The following SLC6A15 variants were observed in gnomAD, a reference collection of about 807,000 sequenced individuals.
The protein encoded by SLC6A15 is sodium-dependent neutral amino acid transporter B(0)AT2.
Under a neutral mutation model 68.5 loss-of-function variants are expected in SLC6A15, and 33 were observed. The observed-to-expected ratio is 0.48, with a 90% CI of 0.37 to 0.64. SLC6A15 has a LOEUF of 0.64. SLC6A15 is among the 30% of genes least tolerant of loss of function. SLC6A15 has a pLI of 0.00. For missense variants in SLC6A15, 747 were observed against 874.3 expected, an observed-to-expected ratio of 0.85 and a Z score of 1.84; for synonymous variants, 347 against 301.0, an observed-to-expected ratio of 1.15 and a Z score of -1.58.
rs1032368273 is a variant in SLC6A15, at chr12:84,862,462, G to T, written c.1819-456C>A. Among the ~76,000 whole-genome samples, 10 of 152,212 alleles carry T rather than the reference G, an allele frequency of 6.6e-5. No homozygotes were observed. The East Asian group carries it at 1.7e-3, about 26-fold the overall frequency. On this transcript the variant is annotated intron_variant, in intron 11 of 11. Coordinates refer to ENST00000266682, the MANE Select transcript of SLC6A15 (RefSeq NM_182767.6). ...GTGTCATATATCTTTCTAAAATCTG[G>T]AAACCAAACTTTTGAAGCACATCTG...
chr12:84,862,707 T>G (rs1031311561), intron 11 of SLC6A15, among the ~76,000 whole-genome samples: 1 of 152,208 alleles, frequency 6.6e-6, no homozygotes, highest in African/African-American at 2.4e-5. Context: ...CTTCAAAATT[T>G]ACTTATTTTA....
intron 1 of SLC6A15, among the ~76,000 whole-genome samples, chr12:84,902,971 A>T (rs1020501197): frequency 1.3e-5 from 2 of 152,040 alleles, no homozygotes; most frequent in South Asian, 4.1e-4. Context: ...AATTTCACAG[A>T]GCTATAAACG....
At chr12:84,896,962 G>A (rs889435313) in intron 1 of SLC6A15, among the ~76,000 whole-genome samples, 4 of 152,124 alleles carry the variant, frequency 2.6e-5, no homozygotes, top group African/African-American at 9.7e-5. Flanking sequence ...AGCACTAGGC[G>A]GGTGGATCAC....
rs1406941381 is a variant in SLC6A15 at position 84,883,921 on chromosome 12, A to G, written c.694T>C (p.Leu232=). The change falls in exon 5 of 12, where the codon TTG becomes CTG. Residue 232 remains leucine, a synonymous_variant. Coordinates refer to ENST00000266682, the MANE Select transcript of SLC6A15 (RefSeq NM_182767.6). ...CAAACCATGACCCAGGCAGCCAACA[A>G]GCAGATGGTCATCTTCCAGTTTAAG... ...GGLNWKMTIC[L]LAAWVMVCLA... 3.1e-6 allele frequency: 5 copies of G among 1,614,010 alleles called. No homozygotes were observed. In the Admixed American group the frequency reaches 6.7e-5, roughly 22 times the overall value.
At position 84,863,402 on chromosome 12, in the gene SLC6A15, AT is replaced by A. The variant is rs1870932734; in HGVS notation, c.1818+36del. On this transcript the variant is annotated intron_variant, in intron 11 of 11. Coordinates refer to ENST00000266682, the MANE Select transcript of SLC6A15 (RefSeq NM_182767.6). ...AGCCCTCTAAAAAAGCTTTTTATAT[AT>A]CTTTTAAAAATGTAATTCCCTTATT... 4 of 1,496,122 alleles carry A rather than the reference AT, an allele frequency of 2.7e-6. No homozygotes were observed. In the South Asian group the frequency reaches 5.5e-5, roughly 20 times the overall value. 92.7% of individuals were successfully genotyped at this position (1,496,122 alleles called of 1,614,324 possible).
intron 5 of SLC6A15, 39 bp from the exon 6 acceptor site, chr12:84,876,646 G>A (rs766660789): frequency 1.0e-6 from 1 of 989,306 alleles, no homozygotes; most frequent in Non-Finnish European, 1.5e-6. Flanking sequence ...GAGATACAAT[G>A]ACCATTTTTT....
At chr12:84,883,434 C>T (rs1592602517) in intron 5 of SLC6A15, 1 of 1,091,614 alleles carries the variant, frequency 9.2e-7, no homozygotes, top group Non-Finnish European at 1.1e-6. Context: ...GCAGCTATTC[C>T]TTAGAACACC....
Position 84,861,663 on chromosome 12 carries a change from A to C in SLC6A15, c.2162T>G (p.Ile721Ser). 6.2e-7 allele frequency: 1 copy of C among 1,604,762 alleles called. No homozygotes were observed. Among genetic ancestry groups the C allele is most frequent in the Non-Finnish European group, 8.5e-7 (1 of 1,173,108 alleles). Residue 721 changes from isoleucine to serine, a missense_variant, in exon 12 of 12, where the codon ATT becomes AGT. Ile to Ser is a moderately radical substitution (Grantham distance 142). Transcript: ENST00000266682. ...RYGIGYLMAD[I>S]MPDMPESDL ...ATCAGATTCTGGCATATCTGGCATA[A>C]TATCTGCCATCAAGTACCCTATTCC...
intron 8 of SLC6A15, 85 bp downstream of exon 8, chr12:84,872,517 G>A (rs547304463): frequency 6.7e-4 from 731 of 1,096,550 alleles, no homozygotes; most frequent in Non-Finnish European, 8.4e-4. Context: ...GCATTTTAAG[G>A]CCCTTTTCCT....
At chr12:84,911,052 C>T (rs970087227) in intron 1 of SLC6A15, among the ~76,000 whole-genome samples, 17 of 152,074 alleles carry the variant, frequency 1.1e-4, no homozygotes, top group Non-Finnish European at 1.9e-4. Flanking sequence ...AAGCCCAGTA[C>T]TGGGCGCCTA....
chr12:84,896,611 C>A (rs894599215), intron 1 of SLC6A15, among the ~76,000 whole-genome samples: 1 of 152,008 alleles, frequency 6.6e-6, no homozygotes, highest in Non-Finnish European at 1.5e-5. Context: ...AAAAAATATT[C>A]CAATATAGAA....
At chr12:84,888,074 AT>A (rs149201382) in intron 2 of SLC6A15, among the ~76,000 whole-genome samples, 5,926 of 150,644 alleles carry the variant, frequency 0.039, 389 homozygotes, top group African/African-American at 0.14. Context: ...TACTAAAAAA[AT>A]AAAATAAAAT....
In SLC6A15 at chr12:84,870,459, T is replaced by A. The variant is rs1195183446; in HGVS notation, c.1495+19A>T. On this transcript the variant is annotated intron_variant, in intron 9 of 11. Coordinates refer to ENST00000266682, the MANE Select transcript of SLC6A15 (RefSeq NM_182767.6). ...TGGCCTGGATTTGTTCAATGAAAAG[T>A]CAAATACAAAAAACTCACCAGTAAG... 1.3e-6 allele frequency: 2 copies of A among 1,506,738 alleles called. No homozygotes were observed. Among genetic ancestry groups the A allele is most frequent in the Non-Finnish European group, 1.8e-6 (2 of 1,125,096 alleles). The allele number at this position is 1,506,738 out of a possible 1,614,324, so 93.3% of individuals were successfully genotyped here.
chr12:84,912,111 C>T (rs1042756821), intron 1 of SLC6A15: 1 of 152,372 alleles, frequency 6.6e-6, no homozygotes, highest in Admixed American at 6.5e-5. Context: ...CTCTCTGCCC[C>T]AACCCTCCCA....
intron 11 of SLC6A15, 31 bp downstream of exon 11, chr12:84,863,408 T>C: frequency 6.6e-7 from 1 of 1,514,460 alleles, no homozygotes; most frequent in African/African-American, 1.4e-5. Context: ...ATATATCTTT[T>C]AAAAATGTAA....
rs1447943777 is a variant in SLC6A15, at chr12:84,870,666, A to G, written c.1307T>C (p.Val436Ala). Residue 436 changes from valine (V) to alanine (A), a missense_variant, in exon 9 of 12, where the codon GTT becomes GCT. By Grantham distance (64) the Val-to-Ala change is moderately conservative. Coordinates refer to ENST00000266682, the MANE Select transcript of SLC6A15 (RefSeq NM_182767.6). ...AATAAAAGCTAAGCCGGTCCCCTGA[A>G]CAGCCTGCAAAATACACAAAATAGC... ...CKIEEELNKAVQGTGLAFIAF... is the reference protein window; with the variant it reads ...CKIEEELNKAAQGTGLAFIAF... 1.2e-6 allele frequency: 2 copies of G among 1,606,746 alleles called. No homozygotes were observed. Among genetic ancestry groups the G allele is most frequent in the Admixed American group, 1.7e-5 (1 of 59,116 alleles).
Position 84,902,513 on chromosome 12 carries a change from GA to G in SLC6A15, c.-189+10009del, listed in dbSNP as rs1341731858. On this transcript the variant is annotated intron_variant, in intron 1 of 11. Transcript: ENST00000266682. Reference sequence around the variant, plus strand: ...AACTATATTTCAGAGATATATCACAGAAAAATAAAAAAAAACTTACAAAACT... The same window carrying G: ...AACTATATTTCAGAGATATATCACAGAAAATAAAAAAAAACTTACAAAACT... Among the ~76,000 whole-genome samples the G allele has an allele frequency of 2.7e-5, 4 of 147,418 alleles. No individual in the cohort carries two copies. The East Asian group carries it at 7.8e-4, about 29-fold the overall frequency.
chr12:84,867,047 A>T lies in SLC6A15; in HGVS notation c.1642T>A (p.Tyr548Asn). Residue 548 changes from tyrosine (Y) to asparagine (N), a missense_variant, in exon 10 of 12, where the codon TAT becomes AAT. By Grantham distance (143) the Tyr-to-Asn change is moderately radical. Coordinates refer to ENST00000266682, the MANE Select transcript of SLC6A15 (RefSeq NM_182767.6). Reference protein sequence around the residue: ...ILENIAVCFVYGIDKFMEDLK... With the variant: ...ILENIAVCFVNGIDKFMEDLK... ...AAATATACTTACTTATCTATGCCATAAACAAAGCATACAGCAATATTCTCC... is the reference window on the plus strand; with the variant it reads ...AAATATACTTACTTATCTATGCCATTAACAAAGCATACAGCAATATTCTCC... 6.2e-7 allele frequency: 1 copy of T among 1,600,350 alleles called. No homozygotes were observed. The highest frequency in any genetic ancestry group is 8.5e-7 in the Non-Finnish European group (1 of 1,174,668).
Position 84,883,877 on chromosome 12 carries a change from G to A in SLC6A15, c.738C>T (p.Gly246=). The A allele has an allele frequency of 6.2e-7, 1 of 1,614,054 alleles. No individual in the cohort carries two copies. Among genetic ancestry groups the A allele is most frequent in the Non-Finnish European group, 8.5e-7 (1 of 1,179,988 alleles). Reference sequence around the variant, plus strand: ...TACTAACTTTTCCAGAAGACTGAATGCCTTTGATCATAGCCAAGCAAACCA... The same window carrying A: ...TACTAACTTTTCCAGAAGACTGAATACCTTTGATCATAGCCAAGCAAACCA... ...WVMVCLAMIK[G]IQSSGKIIYF... The change falls in exon 5 of 12, where the codon GGC becomes GGT. Residue 246 remains glycine, a synonymous_variant. Transcript: ENST00000266682.
Sources: gnomAD v4.1 joint callset for allele counts (sites outside exome capture counted in the v4.1 genomes callset) on GRCh38, gnomAD v4.1.1 for gene constraint, MANE v1.5 for transcripts, NCBI Gene and HGNC (gene_info 2026-07-23, HGNC 2026-07-21) for gene names.